The following FIP1L1 variants were observed in gnomAD, a reference collection of about 807,000 sequenced individuals.
FIP1L1 encodes pre-mRNA 3'-end-processing factor FIP1.
In FIP1L1, 21 loss-of-function variants were observed where a neutral mutation model predicts 84.6. The observed-to-expected ratio is 0.25, with a 90% CI of 0.18 to 0.36. FIP1L1 has a LOEUF of 0.36. FIP1L1 is among the 10% of genes least tolerant of loss of function. The pLI is 1.00. For missense variants in FIP1L1, 526 were observed against 751.1 expected (o/e 0.70, Z 3.50); for synonymous variants, 263 against 242.3 (o/e 1.09, Z -0.80).
chr4:53,398,414 C>T (rs961714907), intron 9 of FIP1L1, among the ~76,000 whole-genome samples: 4 of 152,170 alleles, frequency 2.6e-5, no homozygotes, highest in African/African-American at 4.8e-5. Flanking sequence ...AGAGAGCTAT[C>T]TGACTATAAT....
Position 53,389,789 on chromosome 4 carries a change from T to G in FIP1L1, c.333-20T>G, listed in dbSNP as rs77992820. ...GCTTTTCAGGATAATTTCTGTTTTT[T>G]TTTGTTTGTTTGTTTTTAGGAGTTA... On this transcript the variant is annotated intron_variant, in intron 5 of 17. Coordinates refer to ENST00000337488, the MANE Select transcript of FIP1L1 (RefSeq NM_030917.4). 2.2e-3 allele frequency: 3,530 copies of G among 1,589,566 alleles called. 49 individuals are homozygous for G. The highest frequency in any genetic ancestry group is 0.021 in the South Asian group (1,819 of 85,954).
chr4:53,440,531 A>G, intron 13 of FIP1L1: 1 of 1,190,076 alleles, frequency 8.4e-7, no homozygotes, highest in Non-Finnish European at 1.2e-6. Context: ...TAAATACATA[A>G]CAGGTTCTGA....
intron 13 of FIP1L1, among the ~76,000 whole-genome samples, chr4:53,435,611 A>G (rs932220410): frequency 6.6e-6 from 1 of 152,178 alleles, no homozygotes; most frequent in African/African-American, 2.4e-5. Flanking sequence ...ATGTAAAATT[A>G]CCTTTTTTAC....
Position 53,441,225 on chromosome 4 carries a change from G to C in FIP1L1, c.1175-1428G>C, listed in dbSNP as rs375116613. 3.9e-5 allele frequency among the ~76,000 whole-genome samples: 6 copies of C among 151,922 alleles called. No individual in the cohort carries two copies. The East Asian group carries it at 7.7e-4, about 20-fold the overall frequency. ...TTATAGTGTGATATCACACCTGGTAGCAAGTGTGTCTTCCTGAGTTCAGTG... is the reference window on the plus strand; with the variant it reads ...TTATAGTGTGATATCACACCTGGTACCAAGTGTGTCTTCCTGAGTTCAGTG... On this transcript the variant is annotated intron_variant, in intron 13 of 17. Transcript: ENST00000337488.
chr4:53,399,509 G>A (rs1302266523), intron 9 of FIP1L1, among the ~76,000 whole-genome samples: 3 of 152,188 alleles, frequency 2.0e-5, no homozygotes, highest in Admixed American at 1.3e-4. Context: ...TGTTATTAAT[G>A]TGAACTTTTT....
chr4:53,397,346 C>T (rs1390839036), intron 9 of FIP1L1, among the ~76,000 whole-genome samples: 1 of 152,136 alleles, frequency 6.6e-6, no homozygotes, highest in African/African-American at 2.4e-5. Flanking sequence ...CTAGAGAGAT[C>T]AGTGATCACC....
In FIP1L1 at chr4:53,406,622, G is replaced by C. The variant is rs1020995823; in HGVS notation, c.815+6783G>C. ...CTTGTACCTCTGGTAGAATTCGGCT[G>C]TGAATCCATCTGGTCCTGGACTCTT... On this transcript the variant is annotated intron_variant, in intron 10 of 17. Coordinates refer to ENST00000337488, the MANE Select transcript of FIP1L1 (RefSeq NM_030917.4). Among the ~76,000 whole-genome samples the C allele has an allele frequency of 2.0e-5, 3 of 152,252 alleles. No homozygotes were observed. In the East Asian group the frequency reaches 5.8e-4, roughly 29 times the overall value.
intron 11 of FIP1L1, among the ~76,000 whole-genome samples, chr4:53,417,408 G>A (rs1453269376): frequency 2.6e-5 from 4 of 152,016 alleles, no homozygotes; most frequent in South Asian, 4.1e-4. Flanking sequence ...TTGGGAGGCC[G>A]AGGCAGGCAG....
At chr4:53,408,193 G>T (rs145662381) in intron 10 of FIP1L1, among the ~76,000 whole-genome samples, 24,444 of 152,060 alleles carry the variant, frequency 0.16, 2,507 homozygotes, top group Admixed American at 0.26. Flanking sequence ...AGGCCTGGTG[G>T]TGACAAAATC....
At chr4:53,418,833 A>C (rs1304925816) in intron 11 of FIP1L1, among the ~76,000 whole-genome samples, 1 of 152,216 alleles carries the variant, frequency 6.6e-6, no homozygotes, top group East Asian at 1.9e-4. Flanking sequence ...ACTTATAATA[A>C]AACTGGACGT....
At chr4:53,450,842 C>G (rs1715413722) in intron 15 of FIP1L1, among the ~76,000 whole-genome samples, 1 of 152,072 alleles carries the variant, frequency 6.6e-6, no homozygotes, top group Non-Finnish European at 1.5e-5. Context: ...TGTTAGCTAC[C>G]TGGAAGTTTA....
intron 12 of FIP1L1, 37 bp downstream of exon 12, chr4:53,426,002 A>T (rs1192000850): frequency 1.5e-6 from 2 of 1,369,920 alleles, no homozygotes; most frequent in Non-Finnish European, 1.0e-6. Context: ...TCTTTAACTG[A>T]AGGATGATAT....
intron 6 of FIP1L1, 44 bp downstream of exon 6, chr4:53,389,917 C>G (rs768366024): frequency 6.2e-6 from 9 of 1,444,796 alleles, no homozygotes; most frequent in Non-Finnish European, 8.6e-6. Context: ...AAATAAGGCA[C>G]ATATCTTAAA....
chr4:53,452,673 TG>T (rs922523644), intron 15 of FIP1L1, among the ~76,000 whole-genome samples: 1 of 152,210 alleles, frequency 6.6e-6, no homozygotes, highest in African/African-American at 2.4e-5. Flanking sequence ...TTTTTTATAT[TG>T]GGAAGTTTGT....
intron 10 of FIP1L1, among the ~76,000 whole-genome samples, chr4:53,405,175 T>G (rs1222207434): frequency 1.3e-5 from 2 of 152,182 alleles, no homozygotes; most frequent in African/African-American, 4.8e-5. Context: ...CATCTTGAAT[T>G]AATTTTTGTA....
chr4:53,460,176 C>A lies in FIP1L1; in HGVS notation c.*727C>A. On this transcript the variant is annotated 3_prime_UTR_variant, in exon 18 of 18. Coordinates refer to ENST00000337488, the MANE Select transcript of FIP1L1 (RefSeq NM_030917.4). ...TGAGCCAGGGTCAAGCTGGTTTGGC[C>A]TTCTTGATGCATTTTCCAAGGCCCA... 1 of 197,636 alleles carries A rather than the reference C, an allele frequency of 5.1e-6. No homozygotes were observed. 12.2% of individuals were successfully genotyped at this position (197,636 alleles called of 1,614,324 possible).
chr4:53,454,102 T>C (rs1717639028), intron 16 of FIP1L1, among the ~76,000 whole-genome samples: 1 of 152,206 alleles, frequency 6.6e-6, no homozygotes, highest in African/African-American at 2.4e-5. Context: ...TGTATGTGTT[T>C]TAAAAAATTT....
At chr4:53,389,730 T>C in intron 5 of FIP1L1, 79 bp from the exon 6 acceptor site, 1 of 1,048,534 alleles carries the variant, frequency 9.5e-7, no homozygotes, top group Admixed American at 2.2e-5. Context: ...TATAATTTGT[T>C]TGTACAAATG....
chr4:53,417,642 C>CAG (rs1760099821), intron 11 of FIP1L1, among the ~76,000 whole-genome samples: 1 of 46,360 alleles, frequency 2.2e-5, no homozygotes, highest in Non-Finnish European at 4.3e-5. Context: ...AACTCCTTCT[C>CAG]AAAAAAAAAA....
Sources: allele counts gnomAD v4.1 joint callset (sites outside exome capture counted in the v4.1 genomes callset), GRCh38; gene constraint gnomAD v4.1.1; transcripts MANE v1.5; gene names NCBI Gene and HGNC (gene_info 2026-07-23, HGNC 2026-07-21).